Variants in TAF1 observed in about 807,000 individuals in gnomAD.
TAF1 encodes the protein transcription initiation factor TFIID subunit 1.
A neutral mutation model predicts 138.5 loss-of-function variants in TAF1; 2 were observed. That is an observed-to-expected ratio of 0.01 (90% CI 0.01 to 0.05). TAF1 has a LOEUF of 0.05. Ranked by LOEUF, TAF1 falls within the 10% of genes least tolerant of loss-of-function variation. TAF1 has a pLI of 1.00. For missense variants in TAF1, 709 were observed against 1,478.0 expected (o/e 0.48, Z 8.53); for synonymous variants, 437 against 503.2 (o/e 0.87, Z 1.76).
chrX:71,479,401 A>G (rs768567214), intron 13 of TAF1, among the ~76,000 whole-genome samples: 11 of 111,327 alleles, frequency 9.9e-5, no homozygotes, highest in Admixed American at 2.9e-4. Flanking sequence ...GCAAAGCCCA[A>G]TTGCTACTAA....
intron 13 of TAF1, among the ~76,000 whole-genome samples, chrX:71,515,202 G>A (rs963655237): frequency 9.0e-6 from 1 of 111,659 alleles, no homozygotes; most frequent in African/African-American, 3.3e-5. Flanking sequence ...AGTGGAGTTG[G>A]AGGATGAATT....
intron 13 of TAF1, among the ~76,000 whole-genome samples, chrX:71,474,532 C>T (rs1032303238): frequency 1.8e-5 from 2 of 111,660 alleles, no homozygotes; most frequent in Non-Finnish European, 3.8e-5. Context: ...AATAAGGAGG[C>T]ATATAGGATT....
intron 27 of TAF1, 81 bp from the exon 28 acceptor site, chrX:71,407,893 A>T: frequency 9.0e-7 from 1 of 1,115,952 alleles, no homozygotes; most frequent in Non-Finnish European, 1.2e-6. Flanking sequence ...AGCCAGGTAG[A>T]TAGGTAAGAT....
rs2035602545 is a variant in TAF1, at chrX:71,408,692, A to G, written c.4384+541A>G. Among the ~76,000 whole-genome samples the G allele has an allele frequency of 2.8e-5, 3 of 108,651 alleles. No homozygotes were observed. The South Asian group carries it at 1.3e-3, about 46-fold the overall frequency. 94.4% of individuals were successfully genotyped at this position (108,651 alleles called of 115,157 possible). On this transcript the variant is annotated intron_variant, in intron 28 of 37. Transcript: ENST00000423759. ...CTATTCGTTGCAATGAAACAGTTCC[A>G]TGGAAAGTAGTGGAAGACGTGGTCC...
chrX:71,452,023 G>A (rs2037995379), intron 32 of TAF1, among the ~76,000 whole-genome samples: 1 of 111,413 alleles, frequency 9.0e-6, no homozygotes, highest in African/African-American at 3.3e-5. Context: ...TGGCCGGGCA[G>A]AGGGGCTCCT....
rs1391446202 is a variant in TAF1 at position 71,431,725 on chromosome X, G to A, written c.4753+7487G>A. On this transcript the variant is annotated intron_variant, in intron 32 of 37. Transcript: ENST00000423759. ...AGGTCAAGAGATCGAGACCATCCTG[G>A]CCAACATAGTGAAACGCTGCCTCTA... is the stretch of plus-strand genomic sequence containing the variant. Among the ~76,000 whole-genome samples, 3 of 110,358 alleles carry A rather than the reference G, an allele frequency of 2.7e-5. No individual in the cohort carries two copies. In the Admixed American group the frequency reaches 2.9e-4, roughly 11 times the overall value.
At chrX:71,443,527 T>C (rs768889888) in intron 32 of TAF1, among the ~76,000 whole-genome samples, 1 of 111,981 alleles carries the variant, frequency 8.9e-6, no homozygotes, top group African/African-American at 3.2e-5. Context: ...CCTGAGACTT[T>C]GCTGAAGTTG....
chrX:71,487,978 A>T (rs2039203333), intron 13 of TAF1, among the ~76,000 whole-genome samples: 1 of 111,974 alleles, frequency 8.9e-6, no homozygotes, highest in Admixed American at 9.5e-5. Context: ...AGTTATTTGG[A>T]AACAGTTTGA....
chrX:71,518,698 T>C (rs1296073949), intron 13 of TAF1, among the ~76,000 whole-genome samples: 2 of 94,602 alleles, frequency 2.1e-5, no homozygotes, highest in African/African-American at 7.8e-5. Flanking sequence ...CTTTCTTTTT[T>C]TTTTTTTTTT....
At chrX:71,376,815 A>T in intron 4 of TAF1, 135 bp from the exon 5 acceptor site, 1 of 886,029 alleles carries the variant, frequency 1.1e-6, no homozygotes, top group Non-Finnish European at 1.5e-6. Flanking sequence ...GTTGCATACT[A>T]GTATTATGAT....
chrX:71,487,311 G>A (rs773647801), intron 13 of TAF1, among the ~76,000 whole-genome samples: 3 of 89,204 alleles, frequency 3.4e-5, no homozygotes, highest in African/African-American at 8.6e-5. Context: ...CCCATCTAAT[G>A]TATGTATTTT....
intron 27 of TAF1, 23 bp downstream of exon 27, chrX:71,407,695 C>T: frequency 8.5e-7 from 1 of 1,176,403 alleles, no homozygotes. Flanking sequence ...CATTGGATAT[C>T]TATAGTAGGG....
At chrX:71,500,660 G>A (rs187594290) in intron 13 of TAF1, among the ~76,000 whole-genome samples, 33 of 109,763 alleles carry the variant, frequency 3.0e-4, no homozygotes, top group Admixed American at 8.9e-4. Flanking sequence ...AAAGAGGACC[G>A]ACGAAGGTCG....
chrX:71,404,621 G>A (rs928173482), intron 25 of TAF1, among the ~76,000 whole-genome samples: 2 of 111,771 alleles, frequency 1.8e-5, no homozygotes, highest in Middle Eastern at 4.6e-3. Context: ...ATAGACATGA[G>A]CTACCACGCT....
intron 13 of TAF1, among the ~76,000 whole-genome samples, chrX:71,485,932 T>G (rs1207254022): frequency 9.0e-6 from 1 of 110,675 alleles, no homozygotes; most frequent in Non-Finnish European, 1.9e-5. Context: ...CCAAGGTCAT[T>G]AATATTTCCC....
intron 13 of TAF1, among the ~76,000 whole-genome samples, chrX:71,494,830 A>C (rs1203890376): frequency 8.9e-6 from 1 of 112,261 alleles, no homozygotes; most frequent in Non-Finnish European, 1.9e-5. Flanking sequence ...ACTGCATGGA[A>C]GGGGACCTGA....
chrX:71,463,949 C>T lies in TAF1; in HGVS notation c.5525C>T (p.Pro1842Leu), dbSNP rs763664628. 5.8e-6 allele frequency: 7 copies of T among 1,205,501 alleles called. No homozygotes were observed. Among genetic ancestry groups the T allele is most frequent in the Non-Finnish European group, 7.8e-6 (7 of 892,172 alleles). ...GAGGAGGAAGAGCAGCGCTCTGGGC[C>T]GAGCGTACTAAGCCAGGTCCACCTG... The part of the protein sequence containing the change: ...DEEEEEQRSG[P>L]SVLSQVHLSE... Residue 1842 changes from proline to leucine, a missense_variant, in exon 38 of 38, where the codon CCG becomes CTG. By Grantham distance (98) the Pro-to-Leu change is moderately conservative (BLOSUM62 -3). Around this residue, in one of 14 missense-constraint regions of TAF1, gnomAD observed 123 missense variants for 174.7 expected, o/e 0.70. Coordinates refer to ENST00000423759, the MANE Select transcript of TAF1 (RefSeq NM_004606.5).
chrX:71,369,178 G>A (rs887794452), intron 3 of TAF1, among the ~76,000 whole-genome samples: 2 of 110,921 alleles, frequency 1.8e-5, no homozygotes, highest in Non-Finnish European at 3.8e-5. Flanking sequence ...TGTATTTTTA[G>A]TAGAGAAGGG....
chrX:71,389,666 G>T lies in TAF1; in HGVS notation c.2781+1G>T, dbSNP rs754382473. 1 of 1,186,863 alleles carries T rather than the reference G, an allele frequency of 8.4e-7. No individual in the cohort carries two copies. The highest frequency in any genetic ancestry group is 1.8e-5 in the African/African-American group (1 of 56,484). ...TTTCCAGATGAAGATTGATGATGAA[G>T]TAAGGCTTTATACTAGTTTGTATTA... On this transcript the variant is annotated splice_donor_variant, in intron 18 of 37. Coordinates refer to ENST00000423759, the MANE Select transcript of TAF1 (RefSeq NM_004606.5). LOFTEE classifies it high-confidence loss of function.
Sources: gnomAD v4.1 joint callset for allele counts (sites outside exome capture counted in the v4.1 genomes callset) on GRCh38, gnomAD v4.1.1 for gene constraint, gnomAD v4.1.1 regional missense constraint, MANE v1.5 for transcripts, NCBI Gene and HGNC (gene_info 2026-07-23, HGNC 2026-07-21) for gene names.